The following CARMIL1 variants were observed in gnomAD, a reference collection of about 807,000 sequenced individuals.
CARMIL1 encodes F-actin-uncapping protein LRRC16A.
In CARMIL1, 90 loss-of-function variants were observed where a neutral mutation model predicts 177.1. The ratio of observed to expected loss-of-function variants is 0.51; its 90% CI spans 0.43 to 0.61. The LOEUF is 0.61. Ranked by LOEUF, CARMIL1 falls within the 20% of genes least tolerant of loss-of-function variation. CARMIL1 has a pLI of 0.00. For missense variants in CARMIL1, 1,380 were observed against 1,667.0 expected (o/e 0.83, Z 3.00); for synonymous variants, 577 against 606.2 (o/e 0.95, Z 0.71).
chr6:25,556,215 T>C (rs1186147788), intron 28 of CARMIL1, among the ~76,000 whole-genome samples: 1 of 152,224 alleles, frequency 6.6e-6, no homozygotes, highest in Non-Finnish European at 1.5e-5. Context: ...ATTCTACCTC[T>C]TATTTAATTT....
chr6:25,528,127 T>C (rs912503987), intron 23 of CARMIL1, among the ~76,000 whole-genome samples: 28 of 152,224 alleles, frequency 1.8e-4, no homozygotes, highest in African/African-American at 6.8e-4. Flanking sequence ...ATTTATACCT[T>C]TGAATTTTTC....
intron 18 of CARMIL1, 62 bp from the exon 19 acceptor site, chr6:25,510,445 C>A: frequency 2.0e-6 from 2 of 995,604 alleles, no homozygotes; most frequent in South Asian, 1.6e-5. Context: ...TAATTGTGTT[C>A]CAGCTGAAAA....
In CARMIL1 at chr6:25,356,013, A is replaced by G. The variant is rs1331515091; in HGVS notation, c.139-64101A>G. On this transcript the variant is annotated intron_variant, in intron 2 of 36. Transcript: ENST00000329474. The stretch of plus-strand genomic sequence containing the variant: ...GCCCCTAGCTTATAGTACAAGAAAG[A>G]GGTTTCTTTGGCTGGACTTTCCTCC... Among the ~76,000 whole-genome samples, 3 of 149,966 alleles carry G rather than the reference A, an allele frequency of 2.0e-5. No homozygotes were observed. The East Asian group carries it at 5.9e-4, about 30-fold the overall frequency.
intron 16 of CARMIL1, among the ~76,000 whole-genome samples, chr6:25,499,031 C>A (rs1187174184): frequency 1.3e-5 from 2 of 152,128 alleles, no homozygotes; most frequent in Admixed American, 1.3e-4. Context: ...GTTTTCATAG[C>A]TGGAGGCAGC....
At chr6:25,526,577 A>G (rs942658131) in intron 23 of CARMIL1, among the ~76,000 whole-genome samples, 2 of 149,080 alleles carry the variant, frequency 1.3e-5, no homozygotes, top group Non-Finnish European at 3.0e-5. Flanking sequence ...TTCTGAGACA[A>G]GGTCTCACTC....
chr6:25,510,492 T>C lies in CARMIL1; in HGVS notation c.1478-15T>C. The stretch of plus-strand genomic sequence containing the variant: ...ACATGTGTTTTGATGTTCTACTTAC[T>C]CTGATTCTTTCCAGGTTTAGAATCT... On this transcript the variant is annotated splice_polypyrimidine_tract_variant and intron_variant, in intron 18 of 36. Coordinates refer to ENST00000329474, the MANE Select transcript of CARMIL1 (RefSeq NM_017640.6). 1 of 1,430,482 alleles carries C rather than the reference T, an allele frequency of 7.0e-7. No individual in the cohort carries two copies. Among genetic ancestry groups the C allele is most frequent in the East Asian group, 2.5e-5 (1 of 40,480 alleles). The allele number at this position is 1,430,482 out of a possible 1,614,324, so 88.6% of individuals were successfully genotyped here.
At chr6:25,338,775 G>C (rs12663563) in intron 2 of CARMIL1, among the ~76,000 whole-genome samples, 11,998 of 152,168 alleles carry the variant, frequency 0.079, 514 homozygotes, top group Middle Eastern at 0.17. Flanking sequence ...TGAATGAGTT[G>C]TTCTGTTTAT....
intron 11 of CARMIL1, among the ~76,000 whole-genome samples, chr6:25,476,309 T>C (rs535636282): frequency 6.6e-6 from 1 of 152,204 alleles, no homozygotes; most frequent in African/African-American, 2.4e-5. Context: ...ATTCCAAGGA[T>C]AGCCTTGAAT....
At chr6:25,588,981 T>G (rs913095963) in intron 31 of CARMIL1, among the ~76,000 whole-genome samples, 3 of 152,222 alleles carry the variant, frequency 2.0e-5, no homozygotes, top group African/African-American at 7.2e-5. Flanking sequence ...GTCGGCCCAA[T>G]GATGAAACAA....
chr6:25,372,779 T>C (rs1052046416), intron 2 of CARMIL1, among the ~76,000 whole-genome samples: 10 of 152,222 alleles, frequency 6.6e-5, no homozygotes, highest in African/African-American at 2.4e-4. Context: ...CCTGGTGCTA[T>C]GTTGAATAGA....
chr6:25,521,856 A>G (rs1806603935), intron 23 of CARMIL1, among the ~76,000 whole-genome samples: 1 of 151,372 alleles, frequency 6.6e-6, no homozygotes, highest in African/African-American at 2.4e-5. Flanking sequence ...AGTAAAAGGG[A>G]TCTGATAGCT....
intron 2 of CARMIL1, among the ~76,000 whole-genome samples, chr6:25,349,725 ATTTTTTTT>A (rs67971403): frequency 1.1e-5 from 1 of 93,538 alleles, no homozygotes; most frequent in Non-Finnish European, 2.1e-5. Flanking sequence ...CAGTCCCCTC[ATTTTTTTT>A]TTTTTTTTTT....
intron 2 of CARMIL1, among the ~76,000 whole-genome samples, chr6:25,410,148 C>T (rs1006862601): frequency 8.3e-6 from 1 of 121,208 alleles, no homozygotes; most frequent in African/African-American, 3.2e-5. Flanking sequence ...TAACTTTGTT[C>T]TGAGAGAAGG....
chr6:25,376,237 G>A (rs1394937572), intron 2 of CARMIL1, among the ~76,000 whole-genome samples: 1 of 152,100 alleles, frequency 6.6e-6, no homozygotes, highest in East Asian at 1.9e-4. Context: ...CCACCACCAT[G>A]CCCAGCTAAT....
chr6:25,514,689 A>C (rs1805800165), intron 20 of CARMIL1, among the ~76,000 whole-genome samples: 1 of 152,144 alleles, frequency 6.6e-6, no homozygotes, highest in African/African-American at 2.4e-5. Flanking sequence ...TAGGATACCA[A>C]GGTGAGAGGA....
At chr6:25,475,282 T>C (rs1027786151) in intron 11 of CARMIL1, among the ~76,000 whole-genome samples, 2 of 151,948 alleles carry the variant, frequency 1.3e-5, no homozygotes, top group African/African-American at 4.8e-5. Context: ...CAGGCACCTG[T>C]AGTCCCAGCT....
At chr6:25,605,403 G>A (rs560362361) in intron 34 of CARMIL1, among the ~76,000 whole-genome samples, 29 of 152,310 alleles carry the variant, frequency 1.9e-4, no homozygotes, top group African/African-American at 6.5e-4. Context: ...AGAGTAATGC[G>A]TTAACTGTGT....
chr6:25,389,337 CAT>C (rs1562072154), intron 2 of CARMIL1, among the ~76,000 whole-genome samples: 1 of 151,950 alleles, frequency 6.6e-6, no homozygotes, highest in Non-Finnish European at 1.5e-5. Flanking sequence ...TTCTTTTAGT[CAT>C]ATTGTATTGT....
intron 29 of CARMIL1, among the ~76,000 whole-genome samples, chr6:25,576,202 G>A (rs1812570106): frequency 6.6e-6 from 1 of 151,780 alleles, no homozygotes; most frequent in East Asian, 1.9e-4. Context: ...GATGACCAAT[G>A]GAATTTTAAG....
Sources: allele counts gnomAD v4.1 joint callset (sites outside exome capture counted in the v4.1 genomes callset), GRCh38; gene constraint gnomAD v4.1.1; transcripts MANE v1.5; gene names NCBI Gene and HGNC (gene_info 2026-07-23, HGNC 2026-07-21).